PODXL: variants seen among roughly 807,000 people sequenced by gnomAD.
The protein encoded by PODXL is podocalyxin.
PODXL carries 20 observed loss-of-function variants against 48.9 expected under a neutral mutation model. The ratio of observed to expected loss-of-function variants is 0.41; its 90% CI spans 0.29 to 0.59. The LOEUF (loss-of-function observed/expected upper bound fraction) is 0.59. Ranked by LOEUF, PODXL falls within the 20% of genes least tolerant of loss-of-function variation. The pLI is 0.31. For synonymous variants in PODXL, 295 were observed against 287.4 expected (o/e 1.03, Z -0.27); for missense variants, 606 against 675.1 (o/e 0.90, Z 1.13).
At chr7:131,554,843 G>A (rs1030788122) in intron 1 of PODXL, among the ~76,000 whole-genome samples, 3 of 152,180 alleles carry the variant, frequency 2.0e-5, no homozygotes, top group African/African-American at 7.2e-5. Flanking sequence ...GCTGTCCCCA[G>A]AGTAGGGCTA....
intron 1 of PODXL, among the ~76,000 whole-genome samples, chr7:131,546,464 G>A (rs1162640813): frequency 2.0e-5 from 3 of 152,082 alleles, no homozygotes; most frequent in Admixed American, 6.6e-5. Context: ...TGTGGCTCAC[G>A]TCTGTAATTC....
intron 1 of PODXL, among the ~76,000 whole-genome samples, chr7:131,547,022 G>A (rs911971583): frequency 3.3e-5 from 5 of 152,164 alleles, no homozygotes; most frequent in Admixed American, 6.6e-5. Flanking sequence ...TGGCGTTGGG[G>A]GTGGGGTAAC....
At chr7:131,509,942 C>T (rs1340041234) in intron 3 of PODXL, among the ~76,000 whole-genome samples, 1 of 152,164 alleles carries the variant, frequency 6.6e-6, no homozygotes, top group African/African-American at 2.4e-5. Context: ...CCAACAATGG[C>T]AGGGCAGGGA....
rs1015787143 is a variant in PODXL at position 131,502,236 on chromosome 7, A to T, written c.*2075T>A. Reference sequence around the variant, plus strand: ...GGGTGGAGAGAACCCAGCGCTGGGCAAGAAGGAAGCAAACACCTCACTCAA... The same window carrying T: ...GGGTGGAGAGAACCCAGCGCTGGGCTAGAAGGAAGCAAACACCTCACTCAA... On this transcript the variant is annotated 3_prime_UTR_variant, in exon 9 of 9. Coordinates refer to ENST00000378555, the MANE Select transcript of PODXL (RefSeq NM_001018111.3). 1.3e-5 allele frequency: 2 copies of T among 152,256 alleles called. No individual in the cohort carries two copies. The highest frequency in any genetic ancestry group is 1.5e-5 in the Non-Finnish European group (1 of 68,118). The allele number at this position is 152,256 out of a possible 1,614,324, so 9.4% of individuals were successfully genotyped here.
chr7:131,533,954 T>C (rs1798325647), intron 1 of PODXL, among the ~76,000 whole-genome samples: 1 of 152,174 alleles, frequency 6.6e-6, no homozygotes, highest in Admixed American at 6.5e-5. Context: ...CTCTATACCT[T>C]TGAGTACTTA....
At chr7:131,520,291 C>A in intron 1 of PODXL, 1 of 516,032 alleles carries the variant, frequency 1.9e-6, no homozygotes. Flanking sequence ...AGAAATTTGC[C>A]ATGAAAGAGA....
At chr7:131,547,125 A>G (rs1363952322) in intron 1 of PODXL, among the ~76,000 whole-genome samples, 1 of 152,088 alleles carries the variant, frequency 6.6e-6, no homozygotes. Context: ...CTGTAATCCT[A>G]TCACTTTGGG....
intron 1 of PODXL, among the ~76,000 whole-genome samples, chr7:131,531,439 C>G (rs146530020): frequency 6.6e-6 from 1 of 152,196 alleles, no homozygotes; most frequent in Admixed American, 6.5e-5. Flanking sequence ...GCCTCACTCT[C>G]GCCAACCAGT....
intron 1 of PODXL, among the ~76,000 whole-genome samples, chr7:131,540,078 T>C (rs553914584): frequency 1.3e-5 from 2 of 152,328 alleles, no homozygotes; most frequent in East Asian, 3.9e-4. Flanking sequence ...GGTCTTGCTC[T>C]GTCACCCAGA....
chr7:131,529,556 C>T (rs186824830), intron 1 of PODXL, among the ~76,000 whole-genome samples: 209 of 152,026 alleles, frequency 1.4e-3, no homozygotes, highest in African/African-American at 4.9e-3. Context: ...ACACCAGTAT[C>T]GACCTCTCCT....
intron 1 of PODXL, among the ~76,000 whole-genome samples, chr7:131,517,271 G>T (rs913526725): frequency 6.6e-6 from 1 of 152,140 alleles, no homozygotes; most frequent in Non-Finnish European, 1.5e-5. Context: ...TCCACAGTGG[G>T]CAGCAAGACC....
intron 1 of PODXL, among the ~76,000 whole-genome samples, chr7:131,537,381 G>A (rs758179082): frequency 3.9e-5 from 6 of 151,918 alleles, no homozygotes; most frequent in Non-Finnish European, 7.4e-5. Context: ...TAGGTCAGGA[G>A]TTCGAGACAA....
Position 131,503,226 on chromosome 7 carries a change from C to G in PODXL, c.*1085G>C. ...TCCTGGCTGCTTTAATGGATTGTCTCTGAAGACACATCGCTGATGGGGGGC... is the reference window on the plus strand; with the variant it reads ...TCCTGGCTGCTTTAATGGATTGTCTGTGAAGACACATCGCTGATGGGGGGC... On this transcript the variant is annotated 3_prime_UTR_variant, in exon 9 of 9. Transcript: ENST00000378555. 1 of 152,706 alleles carries G rather than the reference C, an allele frequency of 6.5e-6. No individual in the cohort carries two copies. The highest frequency in any genetic ancestry group is 1.5e-5 in the Non-Finnish European group (1 of 68,092). 9.5% of individuals were successfully genotyped at this position (152,706 alleles called of 1,614,324 possible). A position where few individuals can be genotyped will look rare whatever the true frequency, so the allele number is the denominator to read the frequency against.
At chr7:131,552,865 C>T (rs1412056105) in intron 1 of PODXL, among the ~76,000 whole-genome samples, 3 of 152,178 alleles carry the variant, frequency 2.0e-5, no homozygotes, top group Non-Finnish European at 4.4e-5. Context: ...TGGCTCACTG[C>T]AACCTCTGTC....
At chr7:131,547,549 G>A (rs936996504) in intron 1 of PODXL, among the ~76,000 whole-genome samples, 6 of 152,228 alleles carry the variant, frequency 3.9e-5, no homozygotes, top group East Asian at 3.9e-4. Flanking sequence ...AACAAGTGTC[G>A]AAGCTGTGGC....
At chr7:131,524,452 A>G (rs964103752) in intron 1 of PODXL, among the ~76,000 whole-genome samples, 6 of 151,988 alleles carry the variant, frequency 3.9e-5, no homozygotes, top group Non-Finnish European at 7.4e-5. Flanking sequence ...ATTTTTTAAA[A>G]CAGGCAAAAG....
At position 131,509,601 on chromosome 7, in the gene PODXL, C is replaced by T. The variant is rs1256675800; in HGVS notation, c.803-16G>A. 6.7e-6 allele frequency: 10 copies of T among 1,501,488 alleles called. No homozygotes were observed. Among genetic ancestry groups the T allele is most frequent in the Non-Finnish European group, 8.1e-6 (9 of 1,116,494 alleles). The allele number at this position is 1,501,488 out of a possible 1,614,324, so 93.0% of individuals were successfully genotyped here. A position where few individuals can be genotyped will look rare whatever the true frequency, so the allele number is the denominator to read the frequency against. Reference sequence around the variant, plus strand: ...ACCGATGACGCTGTCATTGGGAAAACGAGGGTAATGAGAAAAGATGAGTGC... The same window carrying T: ...ACCGATGACGCTGTCATTGGGAAAATGAGGGTAATGAGAAAAGATGAGTGC... On this transcript the variant is annotated splice_polypyrimidine_tract_variant and intron_variant, in intron 3 of 8. Transcript: ENST00000378555.
intron 1 of PODXL, among the ~76,000 whole-genome samples, chr7:131,545,009 T>A (rs1643251): frequency 0.48 from 72,344 of 151,898 alleles, 18,473 homozygotes; most frequent in East Asian, 0.7. Context: ...ATGACGGGAC[T>A]CAGGATCTAA....
chr7:131,546,145 G>A (rs758501089), intron 1 of PODXL, among the ~76,000 whole-genome samples: 10 of 152,168 alleles, frequency 6.6e-5, no homozygotes, highest in Non-Finnish European at 1.5e-4. Context: ...GATCAACATC[G>A]TGTCACTGCC....
Sources: allele counts gnomAD v4.1 joint callset (sites outside exome capture counted in the v4.1 genomes callset), GRCh38; gene constraint gnomAD v4.1.1; transcripts MANE v1.5; gene names NCBI Gene and HGNC (gene_info 2026-07-23, HGNC 2026-07-21).